ELP4: variants seen among roughly 807,000 people sequenced by gnomAD.
ELP4 encodes elongator acetyltransferase complex subunit 4, also known as elongator complex protein 4.
A neutral mutation model predicts 48.9 loss-of-function variants in ELP4; 51 were observed. That is an observed-to-expected ratio of 1.04 (90% confidence interval 0.83 to 1.32). ELP4 has a LOEUF of 1.32. Ranked by LOEUF, ELP4 falls within the 40% of genes most tolerant of loss-of-function variation. The probability of loss-of-function intolerance (pLI) is 0.00; values close to 1 mark genes in which losing one functional copy is unlikely to be tolerated. For missense variants in ELP4, 519 were observed against 514.6 expected (o/e 1.01, Z -0.08); for synonymous variants, 210 against 189.2 (o/e 1.11, Z -0.90).
chr11:31,606,086 C>G (rs895445446), intron 5 of ELP4, among the ~76,000 whole-genome samples: 2 of 152,100 alleles, frequency 1.3e-5, no homozygotes, highest in African/African-American at 4.8e-5. Flanking sequence ...TTTGTAAGAA[C>G]TAGCAGTTTC....
chr11:31,569,074 G>A (rs1411870431), intron 3 of ELP4, among the ~76,000 whole-genome samples: 7 of 149,232 alleles, frequency 4.7e-5, no homozygotes, highest in Non-Finnish European at 8.9e-5. Context: ...GACAGAGTGA[G>A]ACCCCATCTC....
chr11:31,608,295 C>G (rs1013813479), intron 5 of ELP4, among the ~76,000 whole-genome samples: 3 of 151,838 alleles, frequency 2.0e-5, no homozygotes, highest in African/African-American at 7.3e-5. Context: ...GGAGGACAGC[C>G]TGATTGATGG....
At chr11:31,576,325 C>T (rs993419881) in intron 3 of ELP4, among the ~76,000 whole-genome samples, 8 of 152,284 alleles carry the variant, frequency 5.3e-5, no homozygotes, top group Non-Finnish European at 1.0e-4. Context: ...GACTTAGACT[C>T]CCACACAATA....
chr11:31,515,968 G>C (rs1038718174), intron 1 of ELP4, among the ~76,000 whole-genome samples: 3 of 152,108 alleles, frequency 2.0e-5, no homozygotes. Flanking sequence ...AAAATTTGCC[G>C]GGTGTAGTGG....
chr11:31,656,178 G>T (rs141949877), intron 9 of ELP4, among the ~76,000 whole-genome samples: 43 of 152,028 alleles, frequency 2.8e-4, no homozygotes, highest in Admixed American at 2.7e-3. Context: ...TCTGCATTCT[G>T]ATTTGTTGAA....
intron 9 of ELP4, among the ~76,000 whole-genome samples, chr11:31,725,142 G>A (rs1205347850): frequency 6.6e-6 from 1 of 152,136 alleles, no homozygotes; most frequent in Non-Finnish European, 1.5e-5. Context: ...CTACCTCTGA[G>A]GCAGGAATCC....
At chr11:31,692,966 A>G (rs935749257) in intron 9 of ELP4, among the ~76,000 whole-genome samples, 2 of 152,044 alleles carry the variant, frequency 1.3e-5, no homozygotes, top group Non-Finnish European at 2.9e-5. Context: ...ATCATCCCCT[A>G]CTTAAATACT....
At chr11:31,648,043 A>C in intron 8 of ELP4, 194 bp downstream of exon 8, 1 of 414,228 alleles carries the variant, frequency 2.4e-6, no homozygotes, top group Non-Finnish European at 4.4e-6. Flanking sequence ...GACTATAATA[A>C]CTGAAAGGAG....
intron 9 of ELP4, among the ~76,000 whole-genome samples, chr11:31,711,205 A>G (rs1281166658): frequency 6.6e-6 from 1 of 152,250 alleles, no homozygotes; most frequent in Non-Finnish European, 1.5e-5. Context: ...AACAGGTTCC[A>G]TAAAACCTAG....
chr11:31,536,497 A>C (rs1372422140), intron 2 of ELP4, among the ~76,000 whole-genome samples: 1 of 152,078 alleles, frequency 6.6e-6, no homozygotes, highest in Non-Finnish European at 1.5e-5. Flanking sequence ...GATTATACGC[A>C]TGTGCAAGCA....
intron 3 of ELP4, among the ~76,000 whole-genome samples, chr11:31,541,029 A>G (rs1956582654): frequency 6.6e-6 from 1 of 152,232 alleles, no homozygotes; most frequent in African/African-American, 2.4e-5. Flanking sequence ...TTATTTGAAT[A>G]GAGTTCATAA....
intron 9 of ELP4, among the ~76,000 whole-genome samples, chr11:31,659,674 A>G (rs1016872925): frequency 3.9e-5 from 6 of 152,126 alleles, no homozygotes; most frequent in Non-Finnish European, 5.9e-5. Flanking sequence ...AGAGAGAAGT[A>G]TATTTTACTA....
chr11:31,554,347 G>T (rs991035554), intron 3 of ELP4, among the ~76,000 whole-genome samples: 2 of 151,916 alleles, frequency 1.3e-5, no homozygotes, highest in African/African-American at 4.8e-5. Context: ...AATAGCATAG[G>T]TTTGGTTTTG....
intron 9 of ELP4, among the ~76,000 whole-genome samples, chr11:31,677,286 A>G (rs922981846): frequency 1.3e-5 from 2 of 152,218 alleles, no homozygotes; most frequent in East Asian, 1.9e-4. Flanking sequence ...CTTAGGAGCA[A>G]TGTAACGCAC....
intron 9 of ELP4, among the ~76,000 whole-genome samples, chr11:31,746,795 G>A (rs1282764493): frequency 2.6e-5 from 4 of 151,942 alleles, no homozygotes; most frequent in South Asian, 2.1e-4. Context: ...GCTAAATGAC[G>A]AGTTAATGGG....
chr11:31,645,296 A>G (rs1291620221), intron 7 of ELP4, among the ~76,000 whole-genome samples: 2 of 151,784 alleles, frequency 1.3e-5, no homozygotes, highest in Non-Finnish European at 2.9e-5. Flanking sequence ...GAAGTGGATA[A>G]CTGATTTTTT....
chr11:31,617,657 A>G (rs559225414), intron 5 of ELP4, among the ~76,000 whole-genome samples: 3 of 152,006 alleles, frequency 2.0e-5, no homozygotes, highest in African/African-American at 7.2e-5. Context: ...TTAATAGAAG[A>G]TAAATCAAAA....
chr11:31,699,659 A>C (rs767175932), intron 9 of ELP4, among the ~76,000 whole-genome samples: 9 of 152,166 alleles, frequency 5.9e-5, no homozygotes, highest in Non-Finnish European at 1.0e-4. Flanking sequence ...TAATCTCAGA[A>C]TATCTCCCTT....
At chr11:31,742,026 C>A (rs896397034) in intron 9 of ELP4, among the ~76,000 whole-genome samples, 2 of 152,114 alleles carry the variant, frequency 1.3e-5, no homozygotes, top group Non-Finnish European at 2.9e-5. Context: ...GATAACTAGA[C>A]TAACCAACGC....
Sources: allele counts gnomAD v4.1 joint callset (sites outside exome capture counted in the v4.1 genomes callset), GRCh38; gene constraint gnomAD v4.1.1; transcripts MANE v1.5; gene names NCBI Gene and HGNC (gene_info 2026-07-23, HGNC 2026-07-21).